LAIR2: variants seen among roughly 807,000 people sequenced by gnomAD.
LAIR2 encodes the protein leukocyte-associated immunoglobulin-like receptor 2.
A neutral mutation model predicts 14.8 loss-of-function variants in LAIR2; 14 were observed. That is an observed-to-expected ratio of 0.95 (90% CI 0.62 to 1.48). The LOEUF is 1.48. LAIR2 is among the 40% of genes most tolerant of loss of function. The pLI is 0.00. For missense variants in LAIR2, 172 were observed against 180.9 expected (o/e 0.95, Z 0.28); for synonymous variants, 75 against 74.5 (o/e 1.01, Z -0.03).
intron 2 of LAIR2, 50 bp from the exon 3 acceptor site, chr19:54,507,841 T>C (rs2085391067): frequency 2.0e-6 from 3 of 1,536,806 alleles, no homozygotes; most frequent in African/African-American, 1.4e-5. Flanking sequence ...GTGTGTGGCA[T>C]GGTGACTTCC....
rs114344036 is a variant in LAIR2, at chr19:54,502,850, C to T, written c.-69C>T. The T allele has an allele frequency of 7.5e-3, 11,908 of 1,597,246 alleles. 273 individuals are homozygous for T. In the African/African-American group the frequency reaches 0.077, roughly 10 times the overall value. ...TGAGGCAGTTGCTGTGGAAGCCCCACGGGCAGGAGGCCCCCGGCCAGCACA... is the reference window on the plus strand; with the variant it reads ...TGAGGCAGTTGCTGTGGAAGCCCCATGGGCAGGAGGCCCCCGGCCAGCACA... On this transcript the variant is annotated 5_prime_UTR_variant, in exon 1 of 5. It adds an upstream start codon to the 5' untranslated region. Coordinates refer to ENST00000301202, the MANE Select transcript of LAIR2 (RefSeq NM_002288.6).
intron 1 of LAIR2, 44 bp downstream of exon 1, chr19:54,502,996 A>T (rs1276216266): frequency 1.3e-6 from 2 of 1,573,350 alleles, no homozygotes; most frequent in Non-Finnish European, 1.7e-6. Context: ...GGGGGTCGGG[A>T]GGTCTGGAAA....
chr19:54,509,799 G>A (rs2085436897), intron 4 of LAIR2, among the ~76,000 whole-genome samples: 1 of 151,658 alleles, frequency 6.6e-6, no homozygotes, highest in African/African-American at 2.4e-5. Flanking sequence ...CTGTGTGATG[G>A]GAGTGAAGCT....
Position 54,502,903 on chromosome 19 carries a change from TTCTGGGA to T in LAIR2, c.-15_-9del. The T allele has an allele frequency of 1.2e-6, 2 of 1,613,900 alleles. No homozygotes were observed. The highest frequency in any genetic ancestry group is 1.7e-6 in the Non-Finnish European group (2 of 1,179,924). ...CTGTCTGCTTGTGTCTGCTGCAGAG[TTCTGGGA>T]CCGGGGCCATGTCTCCACACCTCAC... is the stretch of plus-strand genomic sequence containing the variant. On this transcript the variant is annotated 5_prime_UTR_variant, in exon 1 of 5. Coordinates refer to ENST00000301202, the MANE Select transcript of LAIR2 (RefSeq NM_002288.6).
At chr19:54,506,546 C>T (rs1443694045) in intron 2 of LAIR2, among the ~76,000 whole-genome samples, 1 of 152,146 alleles carries the variant, frequency 6.6e-6, no homozygotes, top group Non-Finnish European at 1.5e-5. Context: ...AGCTCCACCG[C>T]CCACCTGTCC....
intron 2 of LAIR2, among the ~76,000 whole-genome samples, chr19:54,505,129 C>A (rs1456158994): frequency 6.6e-6 from 1 of 152,148 alleles, no homozygotes; most frequent in Non-Finnish European, 1.5e-5. Flanking sequence ...CAGGTCTTGG[C>A]AGCTGTGAGT....
In LAIR2 at chr19:54,505,055, CAT is replaced by C. The variant is rs796348895; in HGVS notation, c.70+1326_70+1327del. On this transcript the variant is annotated intron_variant, in intron 2 of 4. Coordinates refer to ENST00000301202, the MANE Select transcript of LAIR2 (RefSeq NM_002288.6). ...TTTAGGGCTGAATAATATTCCATTG[CAT>C]ATATACACCACATTCTCCTCATCCA... 2.7e-3 allele frequency among the ~76,000 whole-genome samples: 411 copies of C among 152,278 alleles called. 2 individuals carry two copies. The highest frequency in any genetic ancestry group is 9.3e-3 in the African/African-American group (387 of 41,552).
Position 54,502,970 on chromosome 19 carries a change from C to G in LAIR2, c.34+18C>G. On this transcript the variant is annotated intron_variant, in intron 1 of 4. Coordinates refer to ENST00000301202, the MANE Select transcript of LAIR2 (RefSeq NM_002288.6). ...GGGCCTAGGTGAGTCCTGGAGGGAG[C>G]GGGAAGGACTGGAAAGGGGGTCGGG... 2 of 1,606,914 alleles carry G rather than the reference C, an allele frequency of 1.2e-6. No homozygotes were observed. The highest frequency in any genetic ancestry group is 1.3e-5 in the African/African-American group (1 of 74,736).
chr19:54,504,802 G>C (rs1298057756), intron 2 of LAIR2, among the ~76,000 whole-genome samples: 1 of 152,100 alleles, frequency 6.6e-6, no homozygotes, highest in Non-Finnish European at 1.5e-5. Flanking sequence ...TAGAGATGGG[G>C]TTTCACCATG....
chr19:54,503,440 A>G, intron 1 of LAIR2, among the ~76,000 whole-genome samples: 1 of 135,940 alleles, frequency 7.4e-6, no homozygotes, highest in East Asian at 2.1e-4. Context: ...CGTGGGCGAC[A>G]AGAACAAAAC....
At chr19:54,508,311 GCCCTC>G (rs3835053) in intron 3 of LAIR2, 127 bp downstream of exon 3, 341,551 of 810,104 alleles carry the variant, frequency 0.42, 78,305 homozygotes, top group South Asian at 0.48. Flanking sequence ...CTGACCCCAA[GCCCTC>G]CCCTCCCCTT....
intron 2 of LAIR2, 146 bp downstream of exon 2, chr19:54,503,881 A>G: frequency 2.0e-6 from 2 of 997,662 alleles, no homozygotes; most frequent in Non-Finnish European, 3.1e-6. Context: ...TGTAAAATGC[A>G]TAACCCTCAC....
chr19:54,507,522 T>C (rs1039880592), intron 2 of LAIR2, among the ~76,000 whole-genome samples: 3 of 151,978 alleles, frequency 2.0e-5, no homozygotes, highest in Admixed American at 2.0e-4. Context: ...CCTTCACGAA[T>C]GACCCTGTCA....
At chr19:54,507,510 G>T (rs2085386765) in intron 2 of LAIR2, among the ~76,000 whole-genome samples, 1 of 152,068 alleles carries the variant, frequency 6.6e-6, no homozygotes, top group African/African-American at 2.4e-5. Flanking sequence ...CCTGTCCCTT[G>T]TCCTTCACGA....
chr19:54,507,833 G>T, intron 2 of LAIR2, 58 bp from the exon 3 acceptor site: 2 of 1,491,962 alleles, frequency 1.3e-6, no homozygotes, highest in East Asian at 4.5e-5. Flanking sequence ...AAAATGACGT[G>T]TGTGGCATGG....
intron 2 of LAIR2, among the ~76,000 whole-genome samples, chr19:54,504,302 T>C (rs1266399623): frequency 6.6e-6 from 1 of 152,130 alleles, no homozygotes; most frequent in Non-Finnish European, 1.5e-5. Flanking sequence ...TTGTATATGT[T>C]TGTGGGGCAC....
At chr19:54,509,819 C>T (rs554732431) in intron 4 of LAIR2, among the ~76,000 whole-genome samples, 1 of 151,772 alleles carries the variant, frequency 6.6e-6, no homozygotes, top group South Asian at 2.1e-4. Context: ...TGCCCCAAGT[C>T]CCTGGGTCTC....
chr19:54,502,934 A>C lies in LAIR2; in HGVS notation c.16A>C (p.Thr6Pro), dbSNP rs2123382589. The C allele has an allele frequency of 6.2e-7, 1 of 1,613,916 alleles. No homozygotes were observed. ...GACCGGGGCCATGTCTCCACACCTC[A>C]CTGCTCTCCTGGGCCTAGGTGAGTC... MSPHL[T>P]ALLGLVLCLA... The change falls in exon 1 of 5, where the codon ACT (threonine) becomes CCT (proline). Residue 6 changes from threonine to proline, a missense_variant. By Grantham distance (38) the Thr-to-Pro change is conservative (BLOSUM62 -1). This residue lies in a region of LAIR2 where 161 missense variants were observed against 149.0 expected (regional missense o/e 1.08). Transcript: ENST00000301202.
At chr19:54,504,211 G>A (rs547001437) in intron 2 of LAIR2, among the ~76,000 whole-genome samples, 9 of 151,120 alleles carry the variant, frequency 6.0e-5, no homozygotes, top group East Asian at 2.0e-4. Context: ...TGATCCGCCC[G>A]CCTCAGCCTC....
Sources: allele counts gnomAD v4.1 joint callset (sites outside exome capture counted in the v4.1 genomes callset), GRCh38; gene constraint gnomAD v4.1.1; regional missense constraint gnomAD v4.1.1; transcripts MANE v1.5; gene names NCBI Gene and HGNC (gene_info 2026-07-23, HGNC 2026-07-21).